CTTNBP2: variants seen among roughly 807,000 people sequenced by gnomAD.
CTTNBP2 encodes cortactin-binding protein 2.
Under a neutral mutation model 156.9 loss-of-function variants are expected in CTTNBP2, and 108 were observed. The observed-to-expected ratio is 0.69, with a 90% CI of 0.59 to 0.81. The LOEUF (loss-of-function observed/expected upper bound fraction) is 0.81, where lower values mean the gene tolerates loss of function less well. Ranked by LOEUF, CTTNBP2 falls within the 30% of genes least tolerant of loss-of-function variation. The pLI, the probability that CTTNBP2 is intolerant of heterozygous loss-of-function variation, is 0.00. For synonymous variants in CTTNBP2, 767 were observed against 751.8 expected (o/e 1.02, Z -0.33); for missense variants, 1,924 against 2,035.4 (o/e 0.95, Z 1.05).
intron 14 of CTTNBP2, among the ~76,000 whole-genome samples, chr7:117,738,987 C>T (rs911361666): frequency 1.3e-5 from 2 of 152,102 alleles, no homozygotes; most frequent in African/African-American, 2.4e-5. Flanking sequence ...GTTATCTTTC[C>T]ACTTCATCTT....
chr7:117,840,423 G>T (rs1038002209), intron 2 of CTTNBP2, among the ~76,000 whole-genome samples: 9 of 152,062 alleles, frequency 5.9e-5, no homozygotes, highest in Non-Finnish European at 2.9e-5. Flanking sequence ...CTACTGGAGA[G>T]GCCACCTGGG....
intron 2 of CTTNBP2, among the ~76,000 whole-genome samples, chr7:117,837,798 G>T (rs1369863461): frequency 6.6e-6 from 1 of 152,096 alleles, no homozygotes; most frequent in African/African-American, 2.4e-5. Flanking sequence ...TTGGATTTTG[G>T]AGAACTTTGA....
intron 1 of CTTNBP2, among the ~76,000 whole-genome samples, chr7:117,867,750 A>T (rs562026897): frequency 6.6e-5 from 10 of 152,316 alleles, no homozygotes; most frequent in African/African-American, 2.4e-4. Flanking sequence ...AAGCTGCTTG[A>T]TGTTCCACTT....
chr7:117,755,414 C>T (rs551924550), intron 12 of CTTNBP2: 14 of 327,568 alleles, frequency 4.3e-5, no homozygotes, highest in Admixed American at 1.8e-4. Context: ...AAAAGGTCAT[C>T]GAAATTAAGG....
chr7:117,813,407 C>A (rs1307594433), intron 2 of CTTNBP2, among the ~76,000 whole-genome samples: 13 of 152,110 alleles, frequency 8.5e-5, no homozygotes, highest in African/African-American at 2.9e-4. Flanking sequence ...ATGGCCTTTG[C>A]GACTGTACAG....
At chr7:117,828,513 T>C (rs1801427250) in intron 2 of CTTNBP2, among the ~76,000 whole-genome samples, 1 of 152,180 alleles carries the variant, frequency 6.6e-6, no homozygotes, top group Non-Finnish European at 1.5e-5. Context: ...TAAGAATCTA[T>C]TTCAGATCAT....
At chr7:117,825,560 C>G (rs983637192) in intron 2 of CTTNBP2, among the ~76,000 whole-genome samples, 2 of 152,120 alleles carry the variant, frequency 1.3e-5, no homozygotes, top group African/African-American at 4.8e-5. Flanking sequence ...ATCTAGCAGG[C>G]ATTCCTTTAT....
At chr7:117,723,216 T>A (rs190129028) in intron 19 of CTTNBP2, among the ~76,000 whole-genome samples, 2 of 152,316 alleles carry the variant, frequency 1.3e-5, no homozygotes, top group East Asian at 3.9e-4. Flanking sequence ...AAATTTTCAT[T>A]CAGTCACTTA....
rs548990671 is a variant in CTTNBP2 at position 117,710,687 on chromosome 7, T to C, written c.*850A>G. 4 of 152,738 alleles carry C rather than the reference T, an allele frequency of 2.6e-5. No individual in the cohort carries two copies. The South Asian group carries it at 8.3e-4, about 32-fold the overall frequency. The allele number at this position is 152,738 out of a possible 1,614,324, so 9.5% of individuals were successfully genotyped here. The stretch of plus-strand genomic sequence containing the variant: ...CAATATTTTATTCAGTGTCAAAGCA[T>C]CTTAACTGAATTGTGTAAGTAATTT... On this transcript the variant is annotated 3_prime_UTR_variant, in exon 23 of 23. Transcript: ENST00000160373.
intron 6 of CTTNBP2, 24 bp from the exon 7 acceptor site, chr7:117,780,615 T>C: frequency 1.3e-6 from 2 of 1,503,886 alleles, no homozygotes; most frequent in South Asian, 2.7e-5. Context: ...TAGGATTAAT[T>C]ACATAAAACC....
rs138336454 is a variant in CTTNBP2 at position 117,792,554 on chromosome 7, G to T, written c.642C>A (p.Ser214=). The change falls in exon 4 of 23, where the codon TCC becomes TCA. Residue 214 remains serine, a synonymous_variant. Transcript: ENST00000160373. The surrounding 1 kb of genome is among the most constrained non-coding windows in gnomAD (Gnocchi z 4.2). ...KKTNELEEEL[S]AEKRRSTEME... ...TTTCTGTGCTTCTTCGTTTCTCAGC[G>T]GAGAGTTCCTCTTCTAATTCATTCG... 2 of 1,614,110 alleles carry T rather than the reference G, an allele frequency of 1.2e-6. No individual in the cohort carries two copies. Among genetic ancestry groups the T allele is most frequent in the Non-Finnish European group, 1.7e-6 (2 of 1,180,014 alleles).
In CTTNBP2 at chr7:117,791,975, AG is replaced by A; in HGVS notation, c.1220del (p.Pro407LeufsTer9). 1 of 1,613,878 alleles carries A rather than the reference AG, an allele frequency of 6.2e-7. No individual in the cohort carries two copies. The highest frequency in any genetic ancestry group is 1.1e-5 in the South Asian group (1 of 91,056). ...STPPLPSNAA[P>X]PTAQTPGIAP... ...CTATGCCTGGTGTTTGAGCGGTGGGAGGGGCAGCGTTACTGGGAAGTGGGGG... is the reference window on the plus strand; with the variant it reads ...CTATGCCTGGTGTTTGAGCGGTGGGAGGGCAGCGTTACTGGGAAGTGGGGG... On this transcript the variant is annotated frameshift_variant, in exon 4 of 23. Coordinates refer to ENST00000160373, the MANE Select transcript of CTTNBP2 (RefSeq NM_033427.3). LOFTEE classifies it high-confidence loss of function.
chr7:117,724,720 T>TG lies in CTTNBP2; in HGVS notation c.4273dup (p.His1425ProfsTer4). 1 of 1,614,128 alleles carries TG rather than the reference T, an allele frequency of 6.2e-7. No homozygotes were observed. The highest frequency in any genetic ancestry group is 8.5e-7 in the Non-Finnish European group (1 of 1,180,006). On this transcript the variant is annotated frameshift_variant, in exon 19 of 23. Coordinates refer to ENST00000160373, the MANE Select transcript of CTTNBP2 (RefSeq NM_033427.3). LOFTEE classifies it high-confidence loss of function. ...ACTTCCTCCTTTGAAATCAGCTGTA[T>TG]GCTGGTCTAGCTCTGAAACAACACA...
intron 16 of CTTNBP2, among the ~76,000 whole-genome samples, chr7:117,733,366 C>G (rs1336552995): frequency 6.6e-6 from 1 of 152,150 alleles, no homozygotes; most frequent in African/African-American, 2.4e-5. Context: ...ACTTTCCTTT[C>G]AAAGTAAGTT....
rs150957864 is a variant in CTTNBP2, at chr7:117,837,853, C to T, written c.189+23356G>A. Reference sequence around the variant, plus strand: ...CGACTCATACCTGTCTATAAAGGACCGCCCAGATACCCCAGAAAAGTGACA... The same window carrying T: ...CGACTCATACCTGTCTATAAAGGACTGCCCAGATACCCCAGAAAAGTGACA... On this transcript the variant is annotated intron_variant, in intron 2 of 22. Coordinates refer to ENST00000160373, the MANE Select transcript of CTTNBP2 (RefSeq NM_033427.3). Among the ~76,000 whole-genome samples, 807 of 152,200 alleles carry T rather than the reference C, an allele frequency of 5.3e-3. 10 individuals are homozygous for T. The highest frequency in any genetic ancestry group is 0.018 in the African/African-American group (749 of 41,520).
intron 8 of CTTNBP2, among the ~76,000 whole-genome samples, chr7:117,776,393 C>A (rs1168236895): frequency 1.3e-5 from 2 of 152,176 alleles, no homozygotes; most frequent in Non-Finnish European, 2.9e-5. Flanking sequence ...TTGTACAAAA[C>A]CTTTCAATGG....
chr7:117,720,650 G>A (rs1012587974), intron 20 of CTTNBP2, among the ~76,000 whole-genome samples: 1 of 152,180 alleles, frequency 6.6e-6, no homozygotes, highest in East Asian at 1.9e-4. Flanking sequence ...CCGAGATCAT[G>A]CCACTGCACT....
chr7:117,734,251 C>A (rs1209047260), intron 16 of CTTNBP2, among the ~76,000 whole-genome samples: 1 of 152,176 alleles, frequency 6.6e-6, no homozygotes, highest in Non-Finnish European at 1.5e-5. Context: ...AATGCAATGA[C>A]AATACTGTCC....
intron 9 of CTTNBP2, 46 bp from the exon 10 acceptor site, chr7:117,760,756 A>G (rs746273213): frequency 7.7e-7 from 1 of 1,295,380 alleles, no homozygotes; most frequent in Non-Finnish European, 1.1e-6. Flanking sequence ...ATCTGGACAG[A>G]AAAAAAAAGT....
Sources: allele counts gnomAD v4.1 joint callset (sites outside exome capture counted in the v4.1 genomes callset), GRCh38; gene constraint gnomAD v4.1.1; non-coding constraint Gnocchi (gnomAD v3.1); transcripts MANE v1.5; gene names NCBI Gene and HGNC (gene_info 2026-07-23, HGNC 2026-07-21).